CPLX2: variants seen among roughly 807,000 people sequenced by gnomAD.
The protein encoded by CPLX2 is complexin 2.
In CPLX2, 5 loss-of-function variants were observed where a neutral mutation model predicts 16.3. The observed-to-expected ratio is 0.31, with a 90% CI of 0.16 to 0.64. The LOEUF (loss-of-function observed/expected upper bound fraction) is 0.64, where lower values mean the gene tolerates loss of function less well. Ranked by LOEUF, CPLX2 falls within the 30% of genes least tolerant of loss-of-function variation. CPLX2 has a pLI of 0.79. For synonymous variants in CPLX2, 89 were observed against 73.2 expected (o/e 1.22, Z -1.10); for missense variants, 144 against 181.4 (o/e 0.79, Z 1.18).
intron 1 of CPLX2, among the ~76,000 whole-genome samples, chr5:175,876,762 T>C (rs1465241405): frequency 1.3e-5 from 2 of 152,204 alleles, no homozygotes; most frequent in Non-Finnish European, 2.9e-5. Flanking sequence ...CCTTGAGCTC[T>C]ATGTAAACAC....
chr5:175,803,949 G>A (rs1012652427), intron 1 of CPLX2, among the ~76,000 whole-genome samples: 2 of 152,230 alleles, frequency 1.3e-5, no homozygotes, highest in African/African-American at 4.8e-5. Flanking sequence ...TCCTAATGCC[G>A]GGAGGATGCA....
intron 2 of CPLX2, among the ~76,000 whole-genome samples, chr5:175,860,615 G>GAAGGAAGA (rs1581096594): frequency 6.6e-6 from 1 of 150,420 alleles, no homozygotes; most frequent in East Asian, 2.0e-4. Flanking sequence ...AGGAAGGAAG[G>GAAGGAAGA]AAGGAAGGAA....
chr5:175,863,944 T>A (rs747345097), intron 2 of CPLX2, among the ~76,000 whole-genome samples: 9 of 152,216 alleles, frequency 5.9e-5, no homozygotes, highest in Non-Finnish European at 8.8e-5. Flanking sequence ...CTTTTCTTTC[T>A]CATTCCAACT....
At chr5:175,804,718 A>G (rs1214781584) in intron 1 of CPLX2, among the ~76,000 whole-genome samples, 1 of 152,154 alleles carries the variant, frequency 6.6e-6, no homozygotes, top group Non-Finnish European at 1.5e-5. Flanking sequence ...CCGGTGATTG[A>G]CACACCCCGG....
intron 1 of CPLX2, among the ~76,000 whole-genome samples, chr5:175,800,386 G>A (rs1237114666): frequency 1.3e-5 from 2 of 151,858 alleles, no homozygotes; most frequent in East Asian, 3.9e-4. Context: ...GCCAATAAGA[G>A]CCAATAAAAG....
At chr5:175,867,122 C>T (rs1759492201), upstream of CPLX2, among the ~76,000 whole-genome samples, 1 of 152,038 alleles carries the variant, frequency 6.6e-6, no homozygotes, top group African/African-American at 2.4e-5. Flanking sequence ...TTGCAGCTTC[C>T]CAGGTGGGAT....
intron 2 of CPLX2, among the ~76,000 whole-genome samples, chr5:175,833,065 A>C (rs1369601808): frequency 1.3e-5 from 2 of 151,796 alleles, no homozygotes; most frequent in African/African-American, 2.4e-5. Context: ...CTGAGGCAGG[A>C]GAATCACTTG....
intron 2 of CPLX2, among the ~76,000 whole-genome samples, chr5:175,834,847 C>G (rs1758798268): frequency 6.6e-6 from 1 of 152,154 alleles, no homozygotes; most frequent in African/African-American, 2.4e-5. Flanking sequence ...GCACTCCAGC[C>G]TGGGCGACAG....
intron 2 of CPLX2, among the ~76,000 whole-genome samples, chr5:175,826,727 C>T (rs1561775476): frequency 6.6e-6 from 1 of 152,114 alleles, no homozygotes; most frequent in Non-Finnish European, 1.5e-5. Context: ...ATGCCTAGGC[C>T]AACCCAGGTT....
chr5:175,799,539 C>CATATATATATATATATATAT (rs70988299), intron 1 of CPLX2, among the ~76,000 whole-genome samples: 3 of 72,268 alleles, frequency 4.2e-5, no homozygotes, highest in Non-Finnish European at 7.7e-5. Context: ...TTGCAAATTT[C>CATATATATATATATATATAT]ATATATATAT....
At chr5:175,853,047 C>A (rs1759186820) in intron 2 of CPLX2, among the ~76,000 whole-genome samples, 1 of 152,210 alleles carries the variant, frequency 6.6e-6, no homozygotes, top group African/African-American at 2.4e-5. Context: ...CAGCGTGGGG[C>A]AAGACAGTAC....
At chr5:175,871,126 G>A (rs949552113), upstream of CPLX2, among the ~76,000 whole-genome samples, 3 of 152,050 alleles carry the variant, frequency 2.0e-5, no homozygotes, top group South Asian at 4.1e-4. Flanking sequence ...CTTTCCCAAG[G>A]AGGTGAACTT....
At chr5:175,817,517 T>C (rs1444962116) in intron 2 of CPLX2, among the ~76,000 whole-genome samples, 2 of 152,196 alleles carry the variant, frequency 1.3e-5, no homozygotes, top group Non-Finnish European at 2.9e-5. Context: ...AGCCAGTTCC[T>C]ATTTGCACAC....
chr5:175,835,690 T>G (rs10072860), intron 2 of CPLX2, among the ~76,000 whole-genome samples: 75,753 of 148,742 alleles, frequency 0.51, 20,642 homozygotes, highest in Middle Eastern at 0.68. Flanking sequence ...GAGAAGTCTT[T>G]GTTGTAAGTG....
chr5:175,875,302 A>C (rs988495402), intron 1 of CPLX2, among the ~76,000 whole-genome samples: 15 of 152,046 alleles, frequency 9.9e-5, no homozygotes, highest in African/African-American at 3.6e-4. Flanking sequence ...AGGAAGAGGG[A>C]GTGGTGAGGT....
At chr5:175,850,470 A>G (rs1258431898) in intron 2 of CPLX2, among the ~76,000 whole-genome samples, 1 of 152,156 alleles carries the variant, frequency 6.6e-6, no homozygotes. Context: ...CTGACCACTA[A>G]GGTCAAGGTC....
intron 2 of CPLX2, among the ~76,000 whole-genome samples, chr5:175,850,301 G>T (rs1759127273): frequency 6.6e-6 from 1 of 152,218 alleles, no homozygotes; most frequent in East Asian, 1.9e-4. Context: ...TTTGGGCCGT[G>T]CCTTGAAGAA....
chr5:175,855,106 A>C (rs1365273683), intron 2 of CPLX2, among the ~76,000 whole-genome samples: 1 of 152,184 alleles, frequency 6.6e-6, no homozygotes, highest in Non-Finnish European at 1.5e-5. Flanking sequence ...TTTCCTGAGG[A>C]CCTGGGGATT....
At chr5:175,869,307 T>A, upstream of CPLX2, among the ~76,000 whole-genome samples, 1 of 152,190 alleles carries the variant, frequency 6.6e-6, no homozygotes, top group Admixed American at 6.5e-5. Flanking sequence ...TTTTATAGAC[T>A]CAAAGATGCT....
Sources: allele counts gnomAD v4.1 joint callset (sites outside exome capture counted in the v4.1 genomes callset), GRCh38; gene constraint gnomAD v4.1.1; transcripts MANE v1.5; gene names NCBI Gene and HGNC (gene_info 2026-07-23, HGNC 2026-07-21).